KIF3C: variants seen among roughly 807,000 people sequenced by gnomAD.
KIF3C encodes kinesin-like protein KIF3C.
KIF3C carries 12 observed loss-of-function variants against 67.7 expected under a neutral mutation model. The ratio of observed to expected loss-of-function variants is 0.18; its 90% CI spans 0.11 to 0.29. KIF3C has a LOEUF of 0.29. Among genes scored for constraint, KIF3C ranks in the 10% least tolerant of loss-of-function variants. The pLI is 1.00. For synonymous variants in KIF3C, 393 were observed against 426.2 expected (o/e 0.92, Z 0.96); for missense variants, 789 against 1,059.6 (o/e 0.74, Z 3.55).
Position 25,929,015 on chromosome 2 carries a change from G to T in KIF3C, c.2345C>A (p.Ala782Asp), listed in dbSNP as rs770153256. The T allele has an allele frequency of 4.3e-6, 7 of 1,613,888 alleles. No individual in the cohort carries two copies. The Admixed American group carries it at 1.2e-4, about 27-fold the overall frequency. ...CGCCACTGTTGCAGGGCGCAGAGAA[G>T]CAGAGGCCAGGGAGGCATGTGTGGT... ...PSTTHASLAS[A>D]SLRPATVADH... The change falls in exon 8 of 8, where the codon GCT becomes GAT. Residue 782 changes from alanine (A) to aspartate (D), a missense_variant. Ala to Asp is a moderately radical substitution (Grantham distance 126, BLOSUM62 -2). Coordinates refer to ENST00000264712, the MANE Select transcript of KIF3C (RefSeq NM_002254.8).
At chr2:25,951,276 T>G (rs1033365415) in intron 5 of KIF3C, 4 of 152,874 alleles carry the variant, frequency 2.6e-5, no homozygotes, top group African/African-American at 9.7e-5. Context: ...ATCACCCGGA[T>G]GAGCGAGCGC....
chr2:25,966,599 T>C (rs996744230), intron 1 of KIF3C, among the ~76,000 whole-genome samples: 4 of 151,994 alleles, frequency 2.6e-5, no homozygotes, highest in Admixed American at 2.6e-4. Flanking sequence ...GCAAATGGAG[T>C]GCAAAACCAG....
At chr2:25,929,572 T>C in intron 6 of KIF3C, 95 bp from the exon 7 acceptor site, 1 of 1,062,384 alleles carries the variant, frequency 9.4e-7, no homozygotes, top group Non-Finnish European at 1.4e-6. Flanking sequence ...GCTGATGAGG[T>C]GGTTAGGGGA....
chr2:25,975,288 G>A lies in KIF3C; in HGVS notation c.1545+5085C>T, dbSNP rs182355692. On this transcript the variant is annotated intron_variant, in intron 1 of 7. Coordinates refer to ENST00000264712, the MANE Select transcript of KIF3C (RefSeq NM_002254.8). ...CGATCCTCCCACCTCAGTCTCCTGCGTAGCTGGGACTACAGGTACACACCA... is the reference window on the plus strand; with the variant it reads ...CGATCCTCCCACCTCAGTCTCCTGCATAGCTGGGACTACAGGTACACACCA... Among the ~76,000 whole-genome samples the A allele has an allele frequency of 5.3e-5, 8 of 152,100 alleles. No homozygotes were observed. In the East Asian group the frequency reaches 7.8e-4, roughly 15 times the overall value.
chr2:25,951,527 T>C (rs1663611860), intron 5 of KIF3C: 2 of 420,550 alleles, frequency 4.8e-6, no homozygotes, highest in Non-Finnish European at 4.4e-6. Flanking sequence ...TGAGATGCTC[T>C]TCCTCCCTCC....
chr2:25,965,421 C>T (rs1162841948), intron 1 of KIF3C, among the ~76,000 whole-genome samples: 2 of 152,036 alleles, frequency 1.3e-5, no homozygotes, highest in Admixed American at 6.6e-5. Flanking sequence ...TTTATTTCCA[C>T]ATTTGTCTGA....
In KIF3C at chr2:25,962,817, TAATATATAA is replaced by T. The variant is rs1254912792; in HGVS notation, c.1546-6382_1546-6374del. On this transcript the variant is annotated intron_variant, in intron 1 of 7. Coordinates refer to ENST00000264712, the MANE Select transcript of KIF3C (RefSeq NM_002254.8). ...TATATTATATAATATATAATATATA[TAATATATAA>T]AATATATAAAATATATAATATATAA... is the stretch of plus-strand genomic sequence containing the variant. Among the ~76,000 whole-genome samples the T allele has an allele frequency of 1.6e-3, 125 of 79,694 alleles. 5 individuals carry two copies. Among genetic ancestry groups the T allele is most frequent in the Admixed American group, 3.8e-3 (18 of 4,772 alleles). The allele number at this position is 79,694 out of a possible 152,430, so 52.3% of individuals were successfully genotyped here. A position where few individuals can be genotyped will look rare whatever the true frequency, so the allele number is the denominator to read the frequency against.
chr2:25,980,640 C>G lies in KIF3C; in HGVS notation c.1278G>C (p.Val426=). ...CCTCTTCTGCCACCCAGGCCTCAAT[C>G]ACTGGGCCCTCAGGGTACCCAGGCG... ...SAPPGYPEGP[V]IEAWVAEEED... Residue 426 remains valine, a synonymous_variant, in exon 1 of 8, where the codon GTG becomes GTC. Coordinates refer to ENST00000264712, the MANE Select transcript of KIF3C (RefSeq NM_002254.8). This position sits in a 1 kb window ranked among gnomAD's most constrained non-coding sequence, Gnocchi z 7.6. The G allele has an allele frequency of 6.2e-7, 1 of 1,614,062 alleles. No homozygotes were observed. The highest frequency in any genetic ancestry group is 1.3e-5 in the African/African-American group (1 of 75,030).
At chr2:25,960,829 G>A (rs988871455) in intron 1 of KIF3C, among the ~76,000 whole-genome samples, 5 of 152,178 alleles carry the variant, frequency 3.3e-5, no homozygotes, top group Non-Finnish European at 5.9e-5. Context: ...CCAGCTACTC[G>A]CAAGGCTGTG....
intron 4 of KIF3C, among the ~76,000 whole-genome samples, chr2:25,953,595 C>T (rs955166431): frequency 6.6e-6 from 1 of 151,528 alleles, no homozygotes; most frequent in African/African-American, 2.4e-5. Flanking sequence ...CTCCTGACCT[C>T]GTGATCCACC....
intron 5 of KIF3C, among the ~76,000 whole-genome samples, chr2:25,951,169 T>A (rs1410473452): frequency 6.6e-6 from 1 of 152,074 alleles, no homozygotes; most frequent in Non-Finnish European, 1.5e-5. Context: ...TCTGTTGGGA[T>A]GTTCTTCATG....
At chr2:25,975,195 C>T (rs1436516122) in intron 1 of KIF3C, among the ~76,000 whole-genome samples, 1 of 152,100 alleles carries the variant, frequency 6.6e-6, no homozygotes, top group African/African-American at 2.4e-5. Context: ...GGGTTCCTCT[C>T]TGTCACACAG....
intron 5 of KIF3C, among the ~76,000 whole-genome samples, chr2:25,932,939 T>C (rs1036062245): frequency 6.6e-6 from 1 of 151,010 alleles, no homozygotes; most frequent in Non-Finnish European, 1.5e-5. Flanking sequence ...GACGAACATA[T>C]AGATTAATGA....
chr2:25,956,217 A>G, intron 2 of KIF3C, 126 bp downstream of exon 2: 5 of 724,240 alleles, frequency 6.9e-6, no homozygotes, highest in Middle Eastern at 3.9e-4. Context: ...CCAGGGTGGC[A>G]TGTCTGAGAT....
chr2:25,949,989 C>G (rs1456067933), intron 5 of KIF3C, among the ~76,000 whole-genome samples: 5 of 150,802 alleles, frequency 3.3e-5, no homozygotes, highest in Non-Finnish European at 7.4e-5. Context: ...CTCCTGGGTT[C>G]AAGTGATTCT....
chr2:25,944,894 G>A (rs561887573), intron 5 of KIF3C, among the ~76,000 whole-genome samples: 1 of 152,272 alleles, frequency 6.6e-6, no homozygotes, highest in South Asian at 2.1e-4. Context: ...ACTTTGGGAG[G>A]CTGAGGTGAG....
intron 6 of KIF3C, among the ~76,000 whole-genome samples, 170 bp from the exon 7 acceptor site, chr2:25,929,647 A>G (rs375435259): frequency 1.2e-4 from 18 of 146,642 alleles, no homozygotes; most frequent in East Asian, 4.1e-4. Context: ...ATGGAGTCTC[A>G]CTCTGTTGCC....
intron 4 of KIF3C, among the ~76,000 whole-genome samples, chr2:25,953,332 T>A (rs1663688687): frequency 6.6e-6 from 1 of 152,108 alleles, no homozygotes; most frequent in Non-Finnish European, 1.5e-5. Flanking sequence ...ATACACACAT[T>A]TTTTAAAATA....
At chr2:25,962,990 T>TATATATAATATATATA (rs1664026742) in intron 1 of KIF3C, among the ~76,000 whole-genome samples, 1 of 36,394 alleles carries the variant, frequency 2.7e-5, no homozygotes, top group Non-Finnish European at 4.1e-5. Context: ...TAATATATAA[T>TATATATAATATATATA]ATATATAATA....
Sources: gnomAD v4.1 joint callset for allele counts (sites outside exome capture counted in the v4.1 genomes callset) on GRCh38, gnomAD v4.1.1 for gene constraint, Gnocchi (gnomAD v3.1) non-coding constraint, MANE v1.5 for transcripts, NCBI Gene and HGNC (gene_info 2026-07-23, HGNC 2026-07-21) for gene names.